NUDT3: variants seen among roughly 807,000 people sequenced by gnomAD.
NUDT3 encodes the protein nudix hydrolase 3.
In NUDT3, 9 loss-of-function variants were observed where a neutral mutation model predicts 23.6. The ratio of observed to expected loss-of-function variants is 0.38; its 90% confidence interval spans 0.23 to 0.66. The LOEUF (loss-of-function observed/expected upper bound fraction) is 0.66. NUDT3 is among the 30% of genes least tolerant of loss of function. NUDT3 has a pLI of 0.52. For missense variants in NUDT3, 172 were observed against 218.5 expected, an observed-to-expected ratio of 0.79 and a Z score of 1.34; for synonymous variants, 86 against 82.6, an observed-to-expected ratio of 1.04 and a Z score of -0.22.
At position 34,364,602 on chromosome 6, in the gene NUDT3, C is replaced by T. The variant is rs76632846; in HGVS notation, c.100-22630G>A. Among the ~76,000 whole-genome samples the T allele has an allele frequency of 8.4e-3, 1,273 of 152,274 alleles. 11 individuals carry two copies. Among genetic ancestry groups the T allele is most frequent in the African/African-American group, 0.024 (992 of 41,532 alleles). The stretch of plus-strand genomic sequence containing the variant: ...TTCTTCACAAATACTGTATCTTTTG[C>T]CCAACCTTTACCTTGATAAGTGAAG... On this transcript the variant is annotated intron_variant, in intron 1 of 4. Transcript: ENST00000607016.
In NUDT3 at chr6:34,392,270, C is replaced by T; in HGVS notation, c.93G>A (p.Glu31=). 1 of 1,597,264 alleles carries T rather than the reference C, an allele frequency of 6.3e-7. No homozygotes were observed. The highest frequency in any genetic ancestry group is 8.5e-7 in the Non-Finnish European group (1 of 1,175,616). ...AACLCFRSES[E]EEVLLVSSSR... The stretch of plus-strand genomic sequence containing the variant: ...GCCCAGCCTGCCGCCTCACCTCCTC[C>T]TCGCTCTCGCTGCGGAAACACAGGC... The change falls in exon 1 of 5, where the codon GAG becomes GAA. Residue 31 remains glutamate (E), a synonymous_variant. Transcript: ENST00000607016.
intron 2 of NUDT3, among the ~76,000 whole-genome samples, chr6:34,310,939 C>T (rs1402014392): frequency 6.6e-6 from 1 of 150,868 alleles, no homozygotes; most frequent in Non-Finnish European, 1.5e-5. Context: ...GAAATTATAC[C>T]TACTCATGAT....
chr6:34,388,260 A>T (rs1765141435), intron 1 of NUDT3, among the ~76,000 whole-genome samples: 1 of 152,180 alleles, frequency 6.6e-6, no homozygotes, highest in Non-Finnish European at 1.5e-5. Flanking sequence ...CTCAGTACGT[A>T]TCCCCAACGT....
At chr6:34,389,811 A>C in intron 1 of NUDT3, among the ~76,000 whole-genome samples, 1 of 152,104 alleles carries the variant, frequency 6.6e-6, no homozygotes, top group African/African-American at 2.4e-5. Flanking sequence ...AAAATACAAA[A>C]AAATTAGCCA....
intron 2 of NUDT3, among the ~76,000 whole-genome samples, chr6:34,308,782 ATCAAAATAC>A (rs143035584): frequency 0.011 from 1,656 of 152,342 alleles, 22 homozygotes; most frequent in African/African-American, 0.036. Flanking sequence ...ACAACAGAAC[ATCAAAATAC>A]ATGAAGCAAA....
intron 2 of NUDT3, among the ~76,000 whole-genome samples, chr6:34,335,526 T>A (rs899520809): frequency 2.6e-5 from 4 of 152,044 alleles, no homozygotes; most frequent in Non-Finnish European, 5.9e-5. Flanking sequence ...TTGTAATGCT[T>A]ACAAGAATGT....
chr6:34,391,958 G>T (rs1302870922), intron 1 of NUDT3, among the ~76,000 whole-genome samples: 1 of 152,172 alleles, frequency 6.6e-6, no homozygotes, highest in Non-Finnish European at 1.5e-5. Flanking sequence ...ACTCTTCCCA[G>T]CCCACTGCCT....
Position 34,334,612 on chromosome 6 carries a change from G to A in NUDT3, c.210+7250C>T, listed in dbSNP as rs575791490. Among the ~76,000 whole-genome samples the A allele has an allele frequency of 2.6e-5, 4 of 151,630 alleles. No individual in the cohort carries two copies. The East Asian group carries it at 5.8e-4, about 22-fold the overall frequency. On this transcript the variant is annotated intron_variant, in intron 2 of 4. Transcript: ENST00000607016. ...CAAGATCGTGCACTCCAGCATGGGCGACAACAGTGAAACTCCATCTCAAAA... is the reference window on the plus strand; with the variant it reads ...CAAGATCGTGCACTCCAGCATGGGCAACAACAGTGAAACTCCATCTCAAAA...
chr6:34,389,138 C>G (rs775483826), intron 1 of NUDT3, among the ~76,000 whole-genome samples: 17 of 152,166 alleles, frequency 1.1e-4, no homozygotes, highest in Non-Finnish European at 2.2e-4. Context: ...AATCTCATCT[C>G]GATTTGTAAT....
chr6:34,377,827 C>T (rs1367983569), intron 1 of NUDT3, among the ~76,000 whole-genome samples: 2 of 133,192 alleles, frequency 1.5e-5, no homozygotes, highest in Non-Finnish European at 1.6e-5. Context: ...AGGGAGACTC[C>T]GTCTCAAAAA....
intron 2 of NUDT3, among the ~76,000 whole-genome samples, chr6:34,320,376 G>A (rs771761184): frequency 2.6e-5 from 4 of 152,118 alleles, no homozygotes; most frequent in Admixed American, 1.3e-4. Flanking sequence ...ACTGGCGCCT[G>A]CCACCACGCC....
chr6:34,340,871 T>A (rs1471061431), intron 2 of NUDT3, among the ~76,000 whole-genome samples: 2 of 152,180 alleles, frequency 1.3e-5, no homozygotes, highest in Admixed American at 1.3e-4. Context: ...GAGAGTGACA[T>A]AAGCCAATGT....
chr6:34,374,001 CA>C (rs1411225367), intron 1 of NUDT3, among the ~76,000 whole-genome samples: 1 of 151,424 alleles, frequency 6.6e-6, no homozygotes, highest in African/African-American at 2.4e-5. Context: ...TTAAAAAATA[CA>C]AAAAATTAGC....
intron 2 of NUDT3, among the ~76,000 whole-genome samples, chr6:34,303,197 ATTTTTTTTTTTTTT>A (rs55915428): frequency 1.7e-4 from 13 of 74,506 alleles, no homozygotes; most frequent in African/African-American, 5.0e-4. Context: ...ATACCTGGCA[ATTTTTTTTTTTTTT>A]TTTTTTTTTT....
intron 1 of NUDT3, among the ~76,000 whole-genome samples, chr6:34,344,904 G>A (rs1247652729): frequency 6.6e-6 from 1 of 151,894 alleles, no homozygotes; most frequent in African/African-American, 2.4e-5. Context: ...ACCCACCTCG[G>A]CCTGCCAAAG....
intron 1 of NUDT3, among the ~76,000 whole-genome samples, chr6:34,349,196 A>G (rs753589428): frequency 6.6e-6 from 1 of 152,144 alleles, no homozygotes; most frequent in Non-Finnish European, 1.5e-5. Flanking sequence ...TTACTTTGAC[A>G]TATGTTGGAG....
In NUDT3 at chr6:34,279,864, G is replaced by A. The variant is rs1404766673; in HGVS notation, c.*8889C>T. On this transcript the variant is annotated 3_prime_UTR_variant, in exon 5 of 5. Transcript: ENST00000607016. The stretch of plus-strand genomic sequence containing the variant: ...GGATATGGGGGTGGTCAAGTTTTAC[G>A]GGTAATAACAACATTCTCTCTAGAT... 3.3e-5 allele frequency: 5 copies of A among 152,198 alleles called. No homozygotes were observed. The highest frequency in any genetic ancestry group is 6.5e-5 in the Admixed American group (1 of 15,278). 9.4% of individuals were successfully genotyped at this position (152,198 alleles called of 1,614,324 possible).
chr6:34,380,710 C>T (rs1765002250), intron 1 of NUDT3, among the ~76,000 whole-genome samples: 1 of 152,140 alleles, frequency 6.6e-6, no homozygotes, highest in African/African-American at 2.4e-5. Flanking sequence ...AGACACTGGA[C>T]TGGGCCTCTT....
At chr6:34,374,219 C>G (rs1016984898) in intron 1 of NUDT3, among the ~76,000 whole-genome samples, 4 of 148,762 alleles carry the variant, frequency 2.7e-5, no homozygotes, top group Non-Finnish European at 4.4e-5. Context: ...GTGGATCTGT[C>G]AGAAGAAAAC....
Sources: allele counts gnomAD v4.1 joint callset (sites outside exome capture counted in the v4.1 genomes callset), GRCh38; gene constraint gnomAD v4.1.1; transcripts MANE v1.5; gene names NCBI Gene and HGNC (gene_info 2026-07-23, HGNC 2026-07-21).